Variants in REC114 observed in about 807,000 individuals in gnomAD.
The protein encoded by REC114 is meiotic recombination protein REC114.
In REC114, 27 loss-of-function variants were observed where a neutral mutation model predicts 31.3. The observed-to-expected ratio is 0.86, with a 90% CI of 0.64 to 1.19. The LOEUF is 1.19. Ranked by LOEUF, REC114 falls within the 50% of genes most tolerant of loss-of-function variation. The probability of loss-of-function intolerance (pLI) is 0.00; values close to 1 mark genes in which losing one functional copy is unlikely to be tolerated. For synonymous variants in REC114, 134 were observed against 127.7 expected (o/e 1.05, Z -0.33); for missense variants, 344 against 326.9 (o/e 1.05, Z -0.40).
chr15:73,482,261 G>A (rs1303941311), intron 2 of REC114, among the ~76,000 whole-genome samples: 2 of 152,196 alleles, frequency 1.3e-5, no homozygotes, highest in African/African-American at 2.4e-5. Flanking sequence ...TGTAGGAGGT[G>A]TATCCCTCAT....
intron 2 of REC114, among the ~76,000 whole-genome samples, chr15:73,476,528 T>C (rs1037890210): frequency 2.0e-5 from 3 of 152,202 alleles, no homozygotes; most frequent in African/African-American, 7.2e-5. Context: ...GTGTACGTTA[T>C]TTTGAAGTAT....
At chr15:73,552,187 C>T (rs902547787) in intron 4 of REC114, among the ~76,000 whole-genome samples, 1 of 152,178 alleles carries the variant, frequency 6.6e-6, no homozygotes, top group Non-Finnish European at 1.5e-5. Context: ...GCAACTCACT[C>T]GTTGAGTTTT....
chr15:73,462,855 A>G (rs1893007711), intron 1 of REC114, among the ~76,000 whole-genome samples: 1 of 146,914 alleles, frequency 6.8e-6, no homozygotes, highest in African/African-American at 2.6e-5. Context: ...ATTGCACTCC[A>G]GCCTGGGCAA....
intron 2 of REC114, among the ~76,000 whole-genome samples, chr15:73,535,246 G>C (rs1201960866): frequency 6.6e-6 from 1 of 150,662 alleles, no homozygotes; most frequent in Non-Finnish European, 1.5e-5. Context: ...AATTGTCCCT[G>C]TTTGCAGACG....
At chr15:73,504,359 T>TCA (rs1893645725) in intron 2 of REC114, among the ~76,000 whole-genome samples, 5 of 152,140 alleles carry the variant, frequency 3.3e-5, no homozygotes, top group African/African-American at 1.2e-4. Context: ...CTGGAATTTA[T>TCA]CTTTTTGTAT....
chr15:73,454,512 A>G (rs1421516519), intron 1 of REC114, among the ~76,000 whole-genome samples: 3 of 152,184 alleles, frequency 2.0e-5, no homozygotes, highest in African/African-American at 4.8e-5. Context: ...TATTCACCAC[A>G]TTCTAGAATA....
At chr15:73,464,482 A>AAC (rs1567853534) in intron 1 of REC114, among the ~76,000 whole-genome samples, 5 of 151,766 alleles carry the variant, frequency 3.3e-5, no homozygotes, top group African/African-American at 1.2e-4. Context: ...GTATGTAGCT[A>AAC]TTTTCCTTTG....
intron 2 of REC114, among the ~76,000 whole-genome samples, chr15:73,504,443 A>G (rs1893648425): frequency 6.6e-6 from 1 of 152,064 alleles, no homozygotes; most frequent in African/African-American, 2.4e-5. Flanking sequence ...TTGGAATGCA[A>G]CCTACAGTTC....
At chr15:73,458,993 T>C (rs1031258991) in intron 1 of REC114, among the ~76,000 whole-genome samples, 1 of 152,204 alleles carries the variant, frequency 6.6e-6, no homozygotes, top group Non-Finnish European at 1.5e-5. Context: ...GACTTATTCT[T>C]TGAGCCCCTG....
chr15:73,517,526 GA>G (rs1474316238), intron 2 of REC114, among the ~76,000 whole-genome samples: 6 of 152,122 alleles, frequency 3.9e-5, no homozygotes, highest in Non-Finnish European at 8.8e-5. Context: ...GTGAGGGGGG[GA>G]AAGAGAAGTG....
At chr15:73,549,517 G>A (rs2141334738) in intron 3 of REC114, among the ~76,000 whole-genome samples, 1 of 152,158 alleles carries the variant, frequency 6.6e-6, no homozygotes, top group East Asian at 1.9e-4. Flanking sequence ...GTGCTTGAGG[G>A]GATGGATACC....
At chr15:73,518,228 AG>A (rs1224886918) in intron 2 of REC114, among the ~76,000 whole-genome samples, 1 of 152,232 alleles carries the variant, frequency 6.6e-6, no homozygotes, top group East Asian at 1.9e-4. Context: ...AACCCAACTC[AG>A]GTTCTTTTAA....
intron 2 of REC114, among the ~76,000 whole-genome samples, chr15:73,495,703 G>T (rs1038954528): frequency 6.6e-6 from 1 of 151,982 alleles, no homozygotes; most frequent in East Asian, 1.9e-4. Flanking sequence ...CACATCTTTG[G>T]TATAAGATTT....
intron 5 of REC114, among the ~76,000 whole-genome samples, chr15:73,558,225 T>TA (rs1161754508): frequency 6.6e-6 from 1 of 152,190 alleles, no homozygotes; most frequent in African/African-American, 2.4e-5. Flanking sequence ...AAGTTTCTGT[T>TA]ACAGAGAGTT....
intron 2 of REC114, among the ~76,000 whole-genome samples, chr15:73,476,406 A>G (rs925353090): frequency 3.9e-5 from 6 of 152,130 alleles, no homozygotes; most frequent in South Asian, 2.1e-4. Flanking sequence ...TTCTCTGCCC[A>G]CCCTCAGCAC....
chr15:73,493,184 A>G lies in REC114; in HGVS notation c.249+19263A>G, dbSNP rs536799046. ...GGCACATATGCCAACACACCCAGCT[A>G]ATATTTCTAATTTTTAGTAGAGATG... On this transcript the variant is annotated intron_variant, in intron 2 of 5. Coordinates refer to ENST00000331090, the MANE Select transcript of REC114 (RefSeq NM_001042367.2). 3.7e-4 allele frequency among the ~76,000 whole-genome samples: 56 copies of G among 152,046 alleles called. No homozygotes were observed. The South Asian group carries it at 0.011, about 31-fold the overall frequency.
chr15:73,554,940 A>G (rs1397247949), intron 4 of REC114, among the ~76,000 whole-genome samples: 1 of 152,254 alleles, frequency 6.6e-6, no homozygotes. Flanking sequence ...TTGTTTTTAC[A>G]GAGGAGAAAA....
intron 2 of REC114, among the ~76,000 whole-genome samples, chr15:73,523,028 T>C (rs1448977567): frequency 2.6e-5 from 4 of 152,156 alleles, no homozygotes; most frequent in Non-Finnish European, 5.9e-5. Flanking sequence ...ATGAATTATG[T>C]TGAGTATCTT....
chr15:73,493,363 GT>G, intron 2 of REC114, among the ~76,000 whole-genome samples: 1 of 151,872 alleles, frequency 6.6e-6, no homozygotes, highest in Non-Finnish European at 1.5e-5. Flanking sequence ...TCTGAATTTA[GT>G]TTTTTTGTGG....
Sources: allele counts gnomAD v4.1 joint callset (sites outside exome capture counted in the v4.1 genomes callset), GRCh38; gene constraint gnomAD v4.1.1; transcripts MANE v1.5; gene names NCBI Gene and HGNC (gene_info 2026-07-23, HGNC 2026-07-21).